FKTN: variants seen among roughly 807,000 people sequenced by gnomAD.
FKTN encodes the protein ribitol-5-phosphate transferase FKTN.
Under a neutral mutation model 58.6 loss-of-function variants are expected in FKTN, and 47 were observed. The observed-to-expected ratio is 0.80, with a 90% confidence interval of 0.63 to 1.02. The LOEUF (loss-of-function observed/expected upper bound fraction) is 1.02. Among genes scored for constraint, FKTN ranks in the 50% least tolerant of loss-of-function variants. FKTN has a pLI of 0.00. For missense variants in FKTN, 516 were observed against 537.3 expected (o/e 0.96, Z 0.39); for synonymous variants, 178 against 191.9 (o/e 0.93, Z 0.60).
chr9:105,605,300 G>C (rs536375330), intron 6 of FKTN, among the ~76,000 whole-genome samples: 10 of 152,108 alleles, frequency 6.6e-5, no homozygotes, highest in African/African-American at 2.2e-4. Context: ...GATTTTTGCT[G>C]TCTTTATTTT....
chr9:105,567,706 G>A (rs191491740), intron 1 of FKTN, among the ~76,000 whole-genome samples: 80 of 152,280 alleles, frequency 5.3e-4, no homozygotes, highest in Non-Finnish European at 9.3e-4. Flanking sequence ...CTTGAAAATG[G>A]CCATACTGCC....
intron 1 of FKTN, among the ~76,000 whole-genome samples, chr9:105,559,480 C>T (rs1384860214): frequency 3.9e-5 from 6 of 151,942 alleles, no homozygotes; most frequent in African/African-American, 1.5e-4. Flanking sequence ...CCAAGGAGTT[C>T]GAAACCAGCC....
At chr9:105,631,411 G>A (rs1190323173) in intron 10 of FKTN, among the ~76,000 whole-genome samples, 1 of 152,138 alleles carries the variant, frequency 6.6e-6, no homozygotes, top group African/African-American at 2.4e-5. Flanking sequence ...TGTCAAGAAT[G>A]GCTCTACTGC....
At chr9:105,616,879 C>CAAAAAAAAA (rs377163590) in intron 8 of FKTN, among the ~76,000 whole-genome samples, 1 of 119,876 alleles carries the variant, frequency 8.3e-6, no homozygotes, top group Non-Finnish European at 1.8e-5. Context: ...TAGAATAAGC[C>CAAAAAAAAA]AAAAAAAAAA....
At chr9:105,626,229 C>G (rs185067606) in intron 10 of FKTN, among the ~76,000 whole-genome samples, 1 of 152,242 alleles carries the variant, frequency 6.6e-6, no homozygotes, top group African/African-American at 2.4e-5. Context: ...CTGGTACATG[C>G]TTATCTTAGT....
rs554268438 is a variant in FKTN at position 105,586,518 on chromosome 9, TCA to T, written c.106-10078_106-10077del. ...TGTTCATTTAATCCGTATTTATTGATCACTCGTCTTACACAGTGTACTTAGGA... is the reference window on the plus strand; with the variant it reads ...TGTTCATTTAATCCGTATTTATTGATCTCGTCTTACACAGTGTACTTAGGA... On this transcript the variant is annotated intron_variant, in intron 3 of 10. Transcript: ENST00000357998. Among the ~76,000 whole-genome samples, 106 of 152,324 alleles carry T rather than the reference TCA, an allele frequency of 7.0e-4. 1 individual carries two copies. Among genetic ancestry groups the T allele is most frequent in the African/African-American group, 2.5e-3 (105 of 41,574 alleles).
intron 10 of FKTN, among the ~76,000 whole-genome samples, chr9:105,631,621 A>G (rs1490766061): frequency 6.6e-6 from 1 of 152,180 alleles, no homozygotes; most frequent in African/African-American, 2.4e-5. Context: ...ATGAACAGAC[A>G]CTTCTCAAAA....
intron 1 of FKTN, among the ~76,000 whole-genome samples, chr9:105,564,336 G>A (rs924177795): frequency 3.3e-5 from 5 of 152,166 alleles, no homozygotes; most frequent in Admixed American, 6.6e-5. Context: ...GGCTTCAGAC[G>A]ATCAAACTTC....
Position 105,601,300 on chromosome 9 carries a change from A to G in FKTN, c.321A>G (p.Pro107=), listed in dbSNP as rs1488726924. The change falls in exon 5 of 11, where the codon CCA becomes CCG. Residue 107 remains proline, a synonymous_variant. Coordinates refer to ENST00000357998, the MANE Select transcript of FKTN (RefSeq NM_001079802.2). ...STSQCKFFCV[P]RDFTAFALQY... The stretch of plus-strand genomic sequence containing the variant: ...CACAATGCAAGTTTTTCTGTGTTCC[A>G]AGAGACTTTACTGCATTTGCACTGC... The G allele has an allele frequency of 4.3e-6, 7 of 1,612,332 alleles. No homozygotes were observed. In the East Asian group the frequency reaches 1.3e-4, roughly 31 times the overall value.
intron 10 of FKTN, among the ~76,000 whole-genome samples, chr9:105,626,219 C>G (rs534683799): frequency 1.4e-4 from 21 of 152,248 alleles, no homozygotes; most frequent in Non-Finnish European, 2.6e-4. Context: ...TTTTAGTGCC[C>G]TGGTACATGC....
chr9:105,619,174 C>T (rs1026717320), intron 9 of FKTN, among the ~76,000 whole-genome samples: 2 of 151,372 alleles, frequency 1.3e-5, no homozygotes, highest in African/African-American at 4.9e-5. Context: ...AGTCAAATAA[C>T]AGAGCTCTAG....
In FKTN at chr9:105,635,364, GA is replaced by G. The variant is rs1833959340; in HGVS notation, c.*106del. 1 of 1,559,056 alleles carries G rather than the reference GA, an allele frequency of 6.4e-7. No individual in the cohort carries two copies. Among genetic ancestry groups the G allele is most frequent in the African/African-American group, 1.4e-5 (1 of 73,196 alleles). ...TTGTCAAACATAAGTGGGAACCAAA[GA>G]AAAAATGTGACAAGTTTGAAGACAC... On this transcript the variant is annotated 3_prime_UTR_variant, in exon 11 of 11. Transcript: ENST00000357998.
intron 10 of FKTN, among the ~76,000 whole-genome samples, chr9:105,628,883 G>C (rs1461080086): frequency 6.6e-6 from 1 of 152,184 alleles, no homozygotes; most frequent in African/African-American, 2.4e-5. Context: ...AGTGTAATAA[G>C]ATTAGTGGTT....
chr9:105,600,211 A>G (rs1381172568), intron 4 of FKTN, among the ~76,000 whole-genome samples: 1 of 152,182 alleles, frequency 6.6e-6, no homozygotes, highest in Non-Finnish European at 1.5e-5. Context: ...AAAAACAAAT[A>G]ATGAGACTGA....
At chr9:105,620,775 A>ATAGTAGTAG (rs58977246) in intron 10 of FKTN, among the ~76,000 whole-genome samples, 12,512 of 145,338 alleles carry the variant, frequency 0.086, 604 homozygotes, top group East Asian at 0.12. Flanking sequence ...TAATACTACT[A>ATAGTAGTAG]TAGTAGTAGT....
rs1343215418 is a variant in FKTN, at chr9:105,638,576, T to G, written c.*3312T>G. ...TTTGAAGTCTCTCCCCTTCCTGAAG[T>G]GACCTTTTATGAGGCTCTTTCCTTC... On this transcript the variant is annotated 3_prime_UTR_variant, in exon 11 of 11. Coordinates refer to ENST00000357998, the MANE Select transcript of FKTN (RefSeq NM_001079802.2). 5 of 985,272 alleles carry G rather than the reference T, an allele frequency of 5.1e-6. No individual in the cohort carries two copies. The highest frequency in any genetic ancestry group is 2.3e-4 in the East Asian group (2 of 8,820). 61.0% of individuals were successfully genotyped at this position (985,272 alleles called of 1,614,324 possible). A position where few individuals can be genotyped will look rare whatever the true frequency, so the allele number is the denominator to read the frequency against.
intron 5 of FKTN, chr9:105,603,932 C>T (rs996809903): frequency 2.7e-5 from 11 of 402,118 alleles, no homozygotes; most frequent in Admixed American, 7.2e-5. Flanking sequence ...CCTCCCAAAG[C>T]GCTGGGATTA....
At chr9:105,574,752 A>G (rs562339720) in intron 2 of FKTN, among the ~76,000 whole-genome samples, 193 bp from the exon 3 acceptor site, 34 of 152,070 alleles carry the variant, frequency 2.2e-4, no homozygotes, top group African/African-American at 8.2e-4. Context: ...TTACAGTTAT[A>G]AAAAAAAGTG....
rs1056492501 is a variant in FKTN at position 105,636,860 on chromosome 9, G to T, written c.*1596G>T. 3 of 1,139,180 alleles carry T rather than the reference G, an allele frequency of 2.6e-6. No individual in the cohort carries two copies. Among genetic ancestry groups the T allele is most frequent in the Admixed American group, 3.3e-5 (1 of 30,044 alleles). 70.6% of individuals were successfully genotyped at this position (1,139,180 alleles called of 1,614,324 possible). A position where few individuals can be genotyped will look rare whatever the true frequency, so the allele number is the denominator to read the frequency against. Reference sequence around the variant, plus strand: ...AAGTAACTTACAACCACCCATTCCGGATTTGTAAAGCAACATGAAAACCTT... The same window carrying T: ...AAGTAACTTACAACCACCCATTCCGTATTTGTAAAGCAACATGAAAACCTT... On this transcript the variant is annotated 3_prime_UTR_variant, in exon 11 of 11. Transcript: ENST00000357998.
Sources: gnomAD v4.1 joint callset for allele counts (sites outside exome capture counted in the v4.1 genomes callset) on GRCh38, gnomAD v4.1.1 for gene constraint, MANE v1.5 for transcripts, NCBI Gene and HGNC (gene_info 2026-07-23, HGNC 2026-07-21) for gene names.